Variants in IRF2 observed in about 807,000 individuals in gnomAD.
IRF2 encodes interferon regulatory factor 2.
A neutral mutation model predicts 40.6 loss-of-function variants in IRF2; 15 were observed. The observed-to-expected ratio is 0.37, with a 90% CI of 0.25 to 0.57. The LOEUF (loss-of-function observed/expected upper bound fraction) is 0.57, where lower values mean the gene tolerates loss of function less well. Among genes scored for constraint, IRF2 ranks in the 20% least tolerant of loss-of-function variants. IRF2 has a pLI of 0.77. For synonymous variants in IRF2, 151 were observed against 165.5 expected, an observed-to-expected ratio of 0.91 and a Z score of 0.67; for missense variants, 317 against 455.7, an observed-to-expected ratio of 0.70 and a Z score of 2.77.
chr4:184,406,468 A>T (rs1215294597), intron 6 of IRF2, among the ~76,000 whole-genome samples: 2 of 151,990 alleles, frequency 1.3e-5, no homozygotes, highest in African/African-American at 4.8e-5. Flanking sequence ...GAGCTCGTGA[A>T]CCACCCACCT....
At chr4:184,446,749 C>T (rs1017031883) in intron 1 of IRF2, among the ~76,000 whole-genome samples, 1 of 151,806 alleles carries the variant, frequency 6.6e-6, no homozygotes, top group Non-Finnish European at 1.5e-5. Context: ...GTCAGGAGAT[C>T]GAGACCACCC....
chr4:184,458,297 C>T (rs1320179777), intron 1 of IRF2, among the ~76,000 whole-genome samples: 2 of 152,346 alleles, frequency 1.3e-5, no homozygotes, highest in South Asian at 4.1e-4. Context: ...GCCCATCTTT[C>T]GTTCTTTTCA....
chr4:184,419,339 G>A (rs1737396810), intron 3 of IRF2, 130 bp downstream of exon 3: 3 of 696,858 alleles, frequency 4.3e-6, no homozygotes, highest in Non-Finnish European at 7.8e-6. Flanking sequence ...TCCTGGATGT[G>A]CCTAGGGACA....
chr4:184,434,902 T>C (rs1738022729), intron 1 of IRF2, among the ~76,000 whole-genome samples: 1 of 152,192 alleles, frequency 6.6e-6, no homozygotes, highest in Admixed American at 6.5e-5. Flanking sequence ...AGGGTTTTCT[T>C]GCTAGGTGTG....
chr4:184,421,309 A>G (rs1159049142), intron 2 of IRF2, among the ~76,000 whole-genome samples: 1 of 152,234 alleles, frequency 6.6e-6, no homozygotes, highest in African/African-American at 2.4e-5. Flanking sequence ...CAGTTATTAA[A>G]GGAGAACTGA....
intron 1 of IRF2, among the ~76,000 whole-genome samples, chr4:184,450,824 A>C (rs1424669389): frequency 6.6e-6 from 1 of 152,186 alleles, no homozygotes; most frequent in Non-Finnish European, 1.5e-5. Context: ...TCCAAGGATC[A>C]CGTTAAATGG....
At chr4:184,407,908 GAAAC>G (rs1177893092) in intron 6 of IRF2, among the ~76,000 whole-genome samples, 1 of 152,166 alleles carries the variant, frequency 6.6e-6, no homozygotes, top group Non-Finnish European at 1.5e-5. Context: ...GAGCCGCCGG[GAAAC>G]AAACATTTTT....
chr4:184,424,807 TTCTC>T (rs1296787397), intron 2 of IRF2, among the ~76,000 whole-genome samples: 1 of 152,242 alleles, frequency 6.6e-6, no homozygotes, highest in Non-Finnish European at 1.5e-5. Context: ...AACCAACTCT[TTCTC>T]TCTTACTAAG....
chr4:184,424,050 A>C (rs1312214710), intron 2 of IRF2, among the ~76,000 whole-genome samples: 1 of 111,122 alleles, frequency 9.0e-6, no homozygotes, highest in East Asian at 2.3e-4. Flanking sequence ...TTAATATACC[A>C]GATACACACA....
chr4:184,419,589 AAAG>A, intron 2 of IRF2, 21 bp from the exon 3 acceptor site: 1 of 1,500,498 alleles, frequency 6.7e-7, no homozygotes, highest in Non-Finnish European at 9.1e-7. Context: ...AAAAAAAAAA[AAAG>A]GTAAAGAACT....
At chr4:184,394,636 C>T (rs1736379887) in intron 7 of IRF2, among the ~76,000 whole-genome samples, 1 of 152,070 alleles carries the variant, frequency 6.6e-6, no homozygotes, top group South Asian at 2.1e-4. Context: ...AGGCGATCTC[C>T]ACTCTCTCAT....
chr4:184,398,715 G>A lies in IRF2; in HGVS notation c.694+200C>T, dbSNP rs537438542. 3.9e-5 allele frequency among the ~76,000 whole-genome samples: 6 copies of A among 152,148 alleles called. No individual in the cohort carries two copies. In the South Asian group the frequency reaches 1.2e-3, roughly 32 times the overall value. Reference sequence around the variant, plus strand: ...GTCATGGCCAACTGAGTAAAGAAATGCTGTGATCCTGTCCTCTACCTGAGA... The same window carrying A: ...GTCATGGCCAACTGAGTAAAGAAATACTGTGATCCTGTCCTCTACCTGAGA... On this transcript the variant is annotated intron_variant, in intron 7 of 8. Coordinates refer to ENST00000393593, the MANE Select transcript of IRF2 (RefSeq NM_002199.4).
At chr4:184,406,089 C>T (rs1000753201) in intron 6 of IRF2, among the ~76,000 whole-genome samples, 4 of 152,090 alleles carry the variant, frequency 2.6e-5, no homozygotes, top group African/African-American at 9.7e-5. Flanking sequence ...TGGATAAAAT[C>T]GAATGCCTTG....
chr4:184,459,466 C>T (rs1034681094), intron 1 of IRF2, among the ~76,000 whole-genome samples: 5 of 152,132 alleles, frequency 3.3e-5, no homozygotes, highest in African/African-American at 1.2e-4. Context: ...TCTCACTTAC[C>T]CATGCGCTCT....
chr4:184,439,595 A>C (rs1738222818), intron 1 of IRF2, among the ~76,000 whole-genome samples: 1 of 152,228 alleles, frequency 6.6e-6, no homozygotes, highest in East Asian at 1.9e-4. Flanking sequence ...TGAAATCAAA[A>C]GTCTAAAATG....
chr4:184,471,989 T>C (rs1229981206), intron 1 of IRF2: 2 of 152,250 alleles, frequency 1.3e-5, no homozygotes, highest in Non-Finnish European at 2.9e-5. Flanking sequence ...ACAAGAACTC[T>C]TGGATCTAAG....
At chr4:184,446,910 C>T (rs556106892) in intron 1 of IRF2, among the ~76,000 whole-genome samples, 7 of 152,048 alleles carry the variant, frequency 4.6e-5, no homozygotes, top group East Asian at 1.9e-4. Context: ...GAGCCAAGAT[C>T]GCGCCATTGC....
intron 1 of IRF2, among the ~76,000 whole-genome samples, chr4:184,441,344 G>A (rs1047469220): frequency 2.0e-5 from 3 of 152,208 alleles, no homozygotes; most frequent in Non-Finnish European, 4.4e-5. Flanking sequence ...CATGAATGAG[G>A]AAAGCTTTGT....
chr4:184,399,987 G>A (rs1015383788), intron 6 of IRF2, among the ~76,000 whole-genome samples: 6 of 152,058 alleles, frequency 3.9e-5, no homozygotes, highest in Non-Finnish European at 5.9e-5. Context: ...ATACAATATC[G>A]CAACCAGAGT....
Sources: allele counts gnomAD v4.1 joint callset (sites outside exome capture counted in the v4.1 genomes callset), GRCh38; gene constraint gnomAD v4.1.1; transcripts MANE v1.5; gene names NCBI Gene and HGNC (gene_info 2026-07-23, HGNC 2026-07-21).